NDST4: variants seen among roughly 807,000 people sequenced by gnomAD.
NDST4 encodes the protein N-heparan sulfate sulfotransferase 4.
In NDST4, 63 loss-of-function variants were observed where a neutral mutation model predicts 100.8. The observed-to-expected ratio is 0.62, with a 90% CI of 0.51 to 0.77. The LOEUF (loss-of-function observed/expected upper bound fraction) is 0.77, where lower values mean the gene tolerates loss of function less well. Among genes scored for constraint, NDST4 ranks in the 30% least tolerant of loss-of-function variants. The pLI is 0.00. For missense variants in NDST4, 943 were observed against 1,018.4 expected (o/e 0.93, Z 1.01); for synonymous variants, 377 against 361.8 (o/e 1.04, Z -0.48).
intron 6 of NDST4, among the ~76,000 whole-genome samples, chr4:114,877,966 AT>A (rs1560791349): frequency 3.9e-5 from 6 of 152,034 alleles, no homozygotes; most frequent in Non-Finnish European, 8.8e-5. Flanking sequence ...GAAAAAAAAA[AT>A]AAAGAAGGAA....
intron 4 of NDST4, among the ~76,000 whole-genome samples, chr4:114,966,256 A>G (rs977949404): frequency 1.3e-5 from 2 of 152,038 alleles, no homozygotes; most frequent in African/African-American, 4.8e-5. Context: ...ATACATACAC[A>G]TAACTCCCAC....
intron 2 of NDST4, among the ~76,000 whole-genome samples, chr4:115,049,199 T>C (rs1276410894): frequency 6.6e-6 from 1 of 152,058 alleles, no homozygotes; most frequent in Non-Finnish European, 1.5e-5. Flanking sequence ...AGCCCAGAGA[T>C]GATAAACCTT....
intron 6 of NDST4, 39 bp downstream of exon 6, chr4:114,935,167 T>A: frequency 7.1e-7 from 1 of 1,400,422 alleles, no homozygotes; most frequent in Non-Finnish European, 9.4e-7. Flanking sequence ...CATTTAAAAA[T>A]GCTAATCTTA....
At chr4:114,936,260 CA>C (rs2126225686) in intron 5 of NDST4, among the ~76,000 whole-genome samples, 1 of 152,232 alleles carries the variant, frequency 6.6e-6, no homozygotes, top group African/African-American at 2.4e-5. Context: ...CTATGGCCAT[CA>C]ATGCCACTAT....
At position 115,021,753 on chromosome 4, in the gene NDST4, AT is replaced by A. The variant is rs548419320; in HGVS notation, c.979-44480del. The stretch of plus-strand genomic sequence containing the variant: ...CCACATCTATACACATTCCATATAT[AT>A]ACCTCCCACATCTATACACATTCCA... On this transcript the variant is annotated intron_variant, in intron 2 of 13. Transcript: ENST00000264363. Among the ~76,000 whole-genome samples, 249 of 148,382 alleles carry A rather than the reference AT, an allele frequency of 1.7e-3. 2 individuals are homozygous for A. Among genetic ancestry groups the A allele is most frequent in the African/African-American group, 6.4e-3 (243 of 38,090 alleles).
At chr4:114,979,873 GT>G (rs1726727830) in intron 2 of NDST4, among the ~76,000 whole-genome samples, 1 of 151,978 alleles carries the variant, frequency 6.6e-6, no homozygotes, top group Non-Finnish European at 1.5e-5. Flanking sequence ...ATCTTAAAAA[GT>G]TTTCAAGGCT....
At chr4:115,071,391 T>C (rs1341106760) in intron 2 of NDST4, among the ~76,000 whole-genome samples, 1 of 151,914 alleles carries the variant, frequency 6.6e-6, no homozygotes, top group Non-Finnish European at 1.5e-5. Flanking sequence ...GCTATTCCAG[T>C]CTAATTGTGG....
rs112910000 is a variant in NDST4, at chr4:114,965,722, T to G, written c.1221+4708A>C. 7.4e-3 allele frequency among the ~76,000 whole-genome samples: 1,122 copies of G among 152,174 alleles called. 23 individuals carry two copies. Among genetic ancestry groups the G allele is most frequent in the African/African-American group, 0.025 (1,037 of 41,560 alleles). On this transcript the variant is annotated intron_variant, in intron 4 of 13. Coordinates refer to ENST00000264363, the MANE Select transcript of NDST4 (RefSeq NM_022569.3). ...AGCCCTACTGGCTTGAAAACTTTAA[T>G]GAGTTTATATGTAAAACTTAAAACA...
chr4:115,000,366 A>C (rs1355611500), intron 2 of NDST4, among the ~76,000 whole-genome samples: 1 of 151,960 alleles, frequency 6.6e-6, no homozygotes, highest in Non-Finnish European at 1.5e-5. Context: ...CCTCATGAGA[A>C]TATCTACATC....
intron 6 of NDST4, among the ~76,000 whole-genome samples, chr4:114,877,993 T>TAAAG (rs1378930945): frequency 1.7e-3 from 202 of 115,590 alleles, no homozygotes; most frequent in African/African-American, 6.0e-3. Flanking sequence ...ATGGAAGAAA[T>TAAAG]AAAGAAAGAA....
In NDST4 at chr4:114,970,425, C is replaced by T; in HGVS notation, c.1221+5G>A. ...TCAAAAGATACCACAATAAAATGTG[C>T]TCACCAGTGCAAATTCCTTGTTGAG... On this transcript the variant is annotated splice_donor_5th_base_variant and intron_variant, in intron 4 of 13. Transcript: ENST00000264363. 6.2e-7 allele frequency: 1 copy of T among 1,610,880 alleles called. No individual in the cohort carries two copies. The highest frequency in any genetic ancestry group is 8.5e-7 in the Non-Finnish European group (1 of 1,178,032).
chr4:115,033,785 T>A (rs892669732), intron 2 of NDST4, among the ~76,000 whole-genome samples: 2 of 135,850 alleles, frequency 1.5e-5, no homozygotes, highest in African/African-American at 5.0e-5. Flanking sequence ...CATTTAAAAA[T>A]TTTATTTCTT....
chr4:114,906,339 A>C (rs544573842), intron 6 of NDST4, among the ~76,000 whole-genome samples: 1 of 151,926 alleles, frequency 6.6e-6, no homozygotes, highest in Non-Finnish European at 1.5e-5. Flanking sequence ...TTATGTTTGC[A>C]CTCTAATTTT....
At chr4:114,945,485 T>C (rs1037683650) in intron 4 of NDST4, among the ~76,000 whole-genome samples, 2 of 152,146 alleles carry the variant, frequency 1.3e-5, no homozygotes, top group Non-Finnish European at 2.9e-5. Flanking sequence ...GCTTGGTACA[T>C]TGTTGGTATT....
chr4:114,986,482 C>T (rs1021095335), intron 2 of NDST4, among the ~76,000 whole-genome samples: 2 of 152,042 alleles, frequency 1.3e-5, no homozygotes, highest in African/African-American at 4.8e-5. Flanking sequence ...GATTGGCATT[C>T]TGGTTCTCTC....
chr4:115,039,672 T>C (rs897005283), intron 2 of NDST4, among the ~76,000 whole-genome samples: 1 of 152,232 alleles, frequency 6.6e-6, no homozygotes, highest in South Asian at 2.1e-4. Context: ...TGTCTCTCTA[T>C]ACGACAATGG....
chr4:114,942,892 C>T (rs1008776852), intron 4 of NDST4, among the ~76,000 whole-genome samples: 3 of 151,106 alleles, frequency 2.0e-5, no homozygotes, highest in Non-Finnish European at 4.4e-5. Context: ...TAAAGTACTC[C>T]TGATCAATGG....
chr4:115,030,799 G>T (rs1311511235), intron 2 of NDST4, among the ~76,000 whole-genome samples: 1 of 152,042 alleles, frequency 6.6e-6, no homozygotes, highest in Non-Finnish European at 1.5e-5. Context: ...CGTTACTGGG[G>T]ATGAAGACAA....
At position 115,050,869 on chromosome 4, in the gene NDST4, A is replaced by G. The variant is rs536377494; in HGVS notation, c.978+25190T>C. On this transcript the variant is annotated intron_variant, in intron 2 of 13. Transcript: ENST00000264363. ...AGTAATTTATATGTGGCTTGATGAA[A>G]TACAATCTTCTTCAAACATAAAAAC... Among the ~76,000 whole-genome samples the G allele has an allele frequency of 2.9e-4, 44 of 152,242 alleles. 1 individual carries two copies. Among genetic ancestry groups the G allele is most frequent in the South Asian group, 2.3e-3 (11 of 4,830 alleles).
Sources: gnomAD v4.1 joint callset for allele counts (sites outside exome capture counted in the v4.1 genomes callset) on GRCh38, gnomAD v4.1.1 for gene constraint, MANE v1.5 for transcripts, NCBI Gene and HGNC (gene_info 2026-07-23, HGNC 2026-07-21) for gene names.